The following LDLRAD4 variants were observed in gnomAD, a reference collection of about 807,000 sequenced individuals.
LDLRAD4 encodes low-density lipoprotein receptor class A domain-containing protein 4.
LDLRAD4 carries 5 observed loss-of-function variants against 17.0 expected under a neutral mutation model. The ratio of observed to expected loss-of-function variants is 0.29; its 90% confidence interval spans 0.15 to 0.62. LDLRAD4 has a LOEUF of 0.62. Ranked by LOEUF, LDLRAD4 falls within the 20% of genes least tolerant of loss-of-function variation. LDLRAD4 has a pLI of 0.84. For missense variants in LDLRAD4, 340 were observed against 424.7 expected, an observed-to-expected ratio of 0.80 and a Z score of 1.75; for synonymous variants, 168 against 171.8, an observed-to-expected ratio of 0.98 and a Z score of 0.17.
intron 1 of LDLRAD4, among the ~76,000 whole-genome samples, chr18:13,261,095 C>T (rs1437233707): frequency 1.3e-5 from 2 of 152,196 alleles, no homozygotes; most frequent in African/African-American, 4.8e-5. Flanking sequence ...GTGCTGTGGG[C>T]TTTCAGAGCT....
At chr18:13,230,335 C>T (rs912534679) in intron 1 of LDLRAD4, among the ~76,000 whole-genome samples, 1 of 152,132 alleles carries the variant, frequency 6.6e-6, no homozygotes, top group Admixed American at 6.5e-5. Flanking sequence ...ACATAGACCT[C>T]GGGCTGAGAC....
At chr18:13,456,132 G>A (rs1030442265) in intron 3 of LDLRAD4, among the ~76,000 whole-genome samples, 1 of 152,194 alleles carries the variant, frequency 6.6e-6, no homozygotes, top group Admixed American at 6.5e-5. Flanking sequence ...GGACTCCTAG[G>A]CAGGAAACAG....
At chr18:13,631,983 A>G (rs750323178) in intron 4 of LDLRAD4, among the ~76,000 whole-genome samples, 1 of 152,208 alleles carries the variant, frequency 6.6e-6, no homozygotes, top group Non-Finnish European at 1.5e-5. Context: ...AGGATTATAC[A>G]TCATCAACAA....
At chr18:13,532,479 G>A (rs1255447683) in intron 3 of LDLRAD4, among the ~76,000 whole-genome samples, 7 of 149,986 alleles carry the variant, frequency 4.7e-5, no homozygotes, top group Non-Finnish European at 7.4e-5. Context: ...TGGGAGAAGA[G>A]CAATGCTGGA....
intron 1 of LDLRAD4, among the ~76,000 whole-genome samples, chr18:13,317,757 C>T (rs1012431304): frequency 6.6e-6 from 1 of 152,142 alleles, no homozygotes; most frequent in Non-Finnish European, 1.5e-5. Flanking sequence ...GGAAGAATAA[C>T]CCAAAATATA....
At chr18:13,349,229 T>G (rs934204258) in intron 1 of LDLRAD4, among the ~76,000 whole-genome samples, 2 of 152,234 alleles carry the variant, frequency 1.3e-5, no homozygotes, top group Non-Finnish European at 2.9e-5. Flanking sequence ...AACAATAGAT[T>G]TTAAATTAAT....
rs142793521 is a variant in LDLRAD4, at chr18:13,593,566, TGTCC to T, written c.182-27534_182-27531del. Among the ~76,000 whole-genome samples, 811 of 151,788 alleles carry T rather than the reference TGTCC, an allele frequency of 5.3e-3. 4 individuals carry two copies. Among genetic ancestry groups the T allele is most frequent in the Admixed American group, 9.9e-3 (151 of 15,274 alleles). On this transcript the variant is annotated intron_variant, in intron 3 of 5. Transcript: ENST00000359446. ...TATTTACTTTATCTATCTATCTGTC[TGTCC>T]GTCCGTCCGTCCGTCCATCCATCCA...
At chr18:13,554,373 G>C (rs912413722) in intron 3 of LDLRAD4, among the ~76,000 whole-genome samples, 6 of 152,182 alleles carry the variant, frequency 3.9e-5, no homozygotes, top group Admixed American at 3.3e-4. Flanking sequence ...TGTCAAGGGA[G>C]TCAAATGAAA....
At position 13,281,969 on chromosome 18, in the gene LDLRAD4, G is replaced by A. The variant is rs117110850; in HGVS notation, c.-383+3781G>A. 4.9e-3 allele frequency among the ~76,000 whole-genome samples: 749 copies of A among 152,326 alleles called. 21 individuals carry two copies. The East Asian group carries it at 0.087, about 18-fold the overall frequency. Reference sequence around the variant, plus strand: ...CTAACAGTTTTGCATGGCTGGGGAGGCCTCAGAATCATGACGGGAGGCGAA... The same window carrying A: ...CTAACAGTTTTGCATGGCTGGGGAGACCTCAGAATCATGACGGGAGGCGAA... On this transcript the variant is annotated intron_variant, in intron 1 of 5. Transcript: ENST00000359446.
chr18:13,382,388 C>G (rs2145118282), intron 1 of LDLRAD4, among the ~76,000 whole-genome samples: 1 of 152,286 alleles, frequency 6.6e-6, no homozygotes, highest in Non-Finnish European at 1.5e-5. Flanking sequence ...ACTGGTAAGG[C>G]AGACATACCC....
chr18:13,493,392 T>C (rs1244803723), intron 3 of LDLRAD4, among the ~76,000 whole-genome samples: 1 of 152,198 alleles, frequency 6.6e-6, no homozygotes, highest in Non-Finnish European at 1.5e-5. Context: ...TGGAGTCAGC[T>C]TTTAGGGCTA....
In LDLRAD4 at chr18:13,590,106, T is replaced by TGTGACTGCATGTGC. The variant is rs372941297; in HGVS notation, c.182-31007_182-30994dup. 6.6e-3 allele frequency among the ~76,000 whole-genome samples: 1,000 copies of TGTGACTGCATGTGC among 151,366 alleles called. 11 individuals are homozygous for TGTGACTGCATGTGC. The highest frequency in any genetic ancestry group is 0.023 in the African/African-American group (967 of 41,196). On this transcript the variant is annotated intron_variant, in intron 3 of 5. Coordinates refer to ENST00000359446, the Ensembl canonical transcript of LDLRAD4. ...ATGTGTGGGTGTGAGTGTGCATGTG[T>TGTGACTGCATGTGC]GTGACTGCATGTGCGTGGGTGTGCA...
chr18:13,446,930 T>C (rs9961712), intron 3 of LDLRAD4, among the ~76,000 whole-genome samples: 2,626 of 152,328 alleles, frequency 0.017, 87 homozygotes, highest in African/African-American at 0.061. Context: ...CAGATTGGAC[T>C]TCCCATGTTG....
At position 13,405,735 on chromosome 18, in the gene LDLRAD4, C is replaced by T. The variant is rs117248674; in HGVS notation, c.40+17973C>T. 7.8e-3 allele frequency among the ~76,000 whole-genome samples: 1,180 copies of T among 152,116 alleles called. 6 individuals are homozygous for T. Among genetic ancestry groups the T allele is most frequent in the Middle Eastern group, 0.037 (11 of 294 alleles). ...TTACTGCAGGCATGAGCCACCGTGC[C>T]GAGCCCCTATGCGAGCGTTTTCACC... On this transcript the variant is annotated intron_variant, in intron 2 of 5. Coordinates refer to ENST00000359446, the Ensembl canonical transcript of LDLRAD4.
At chr18:13,612,762 T>C (rs1286624988) in intron 3 of LDLRAD4, 1 of 1,614,048 alleles carries the variant, frequency 6.2e-7, no homozygotes, top group Non-Finnish European at 8.5e-7. Flanking sequence ...CAAAGACCTG[T>C]TCTTAAAAAA....
At chr18:13,240,911 CT>C (rs910932532) in intron 1 of LDLRAD4, 22 of 151,052 alleles carry the variant, frequency 1.5e-4, no homozygotes, top group East Asian at 3.9e-4. Flanking sequence ...TCGAGGCGGG[CT>C]TTTTTTTTCT....
chr18:13,596,340 C>A (rs2095095336), intron 3 of LDLRAD4, among the ~76,000 whole-genome samples: 1 of 152,114 alleles, frequency 6.6e-6, no homozygotes. Flanking sequence ...GCCTTTTGTT[C>A]ATTTCACTCT....
At position 13,645,625 on chromosome 18, in the gene LDLRAD4, G is replaced by A; in HGVS notation, c.889G>A (p.Gly297Ser). 6.6e-7 allele frequency: 1 copy of A among 1,517,760 alleles called. No individual in the cohort carries two copies. The highest frequency in any genetic ancestry group is 1.3e-5 in the South Asian group (1 of 75,192). 94.0% of individuals were successfully genotyped at this position (1,517,760 alleles called of 1,614,324 possible). ...AGAGAGCACAATAGTACCCATCAAA[G>A]GCAAAGATAGGAAGCCTGGGAACCT... Residue 297 changes from glycine to serine, a missense_variant, in exon 6 of 6, where the codon GGC becomes AGC. Gly to Ser is a moderately conservative substitution (Grantham distance 56). Transcript: ENST00000359446. This position sits in a 1 kb window ranked among gnomAD's most constrained non-coding sequence, Gnocchi z 5.7.
exon 6 of LDLRAD4, chr18:13,650,171 G>A (rs2043185220): frequency 2.5e-6 from 1 of 399,118 alleles, no homozygotes. Context: ...CAATATTTCA[G>A]CATTCTTTAT....
Sources: gnomAD v4.1 joint callset for allele counts (sites outside exome capture counted in the v4.1 genomes callset) on GRCh38, gnomAD v4.1.1 for gene constraint, Gnocchi (gnomAD v3.1) non-coding constraint, MANE v1.5 for transcripts, NCBI Gene and HGNC (gene_info 2026-07-23, HGNC 2026-07-21) for gene names.